The following ZNF540 variants were observed in gnomAD, a reference collection of about 807,000 sequenced individuals.
ZNF540 encodes the protein CTD-3064H18.6.
ZNF540 carries 3 observed loss-of-function variants against 11.8 expected under a neutral mutation model. That is an observed-to-expected ratio of 0.25 (90% confidence interval 0.12 to 0.65). ZNF540 has a LOEUF of 0.65. Among genes scored for constraint, ZNF540 ranks in the 30% least tolerant of loss-of-function variants. The probability of loss-of-function intolerance (pLI) is 0.83; values close to 1 mark genes in which losing one functional copy is unlikely to be tolerated. For missense variants in ZNF540, 709 were observed against 793.1 expected (o/e 0.89, Z 1.27); for synonymous variants, 247 against 259.0 (o/e 0.95, Z 0.45).
intron 1 of ZNF540, among the ~76,000 whole-genome samples, chr19:37,552,816 G>T (rs1210326471): frequency 3.9e-5 from 6 of 151,956 alleles, no homozygotes; most frequent in African/African-American, 7.2e-5. Context: ...GTGTGGTGGC[G>T]TGCGCCTGTA....
chr19:37,572,112 C>T (rs1025587900), intron 1 of ZNF540, among the ~76,000 whole-genome samples: 2 of 151,982 alleles, frequency 1.3e-5, no homozygotes, highest in Non-Finnish European at 2.9e-5. Flanking sequence ...TGAGAAAATA[C>T]TCTCATATTT....
chr19:37,565,670 C>G (rs764552585), intron 1 of ZNF540: 3 of 1,613,498 alleles, frequency 1.9e-6, no homozygotes, highest in Non-Finnish European at 2.5e-6. Context: ...ACATTTCTTA[C>G]ATTCATATGG....
upstream of ZNF540, chr19:37,594,705 A>C (rs1233681117): frequency 6.6e-6 from 1 of 152,312 alleles, no homozygotes; most frequent in Non-Finnish European, 1.5e-5. Flanking sequence ...GCAACCCAAA[A>C]GCTGCGAGCG....
upstream of ZNF540, among the ~76,000 whole-genome samples, chr19:37,592,909 G>A (rs1215732006): frequency 6.6e-6 from 1 of 152,156 alleles, no homozygotes; most frequent in African/African-American, 2.4e-5. Context: ...AAACACAGGA[G>A]GGAAACTATC....
intron 1 of ZNF540, chr19:37,585,308 T>C (rs1451066261): frequency 6.6e-6 from 1 of 152,254 alleles, no homozygotes; most frequent in African/African-American, 2.4e-5. Flanking sequence ...GCTTGCTTGC[T>C]TAAATATAAT....
chr19:37,559,370 C>T (rs1020262647), intron 1 of ZNF540, among the ~76,000 whole-genome samples: 5 of 152,100 alleles, frequency 3.3e-5, no homozygotes, highest in Non-Finnish European at 4.4e-5. Flanking sequence ...GTAATATATT[C>T]TATATAAATA....
chr19:37,587,513 C>T (rs1404651111), intron 1 of ZNF540, among the ~76,000 whole-genome samples: 1 of 152,234 alleles, frequency 6.6e-6, no homozygotes, highest in Non-Finnish European at 1.5e-5. Flanking sequence ...ACAGCACGCC[C>T]CCTCTTGCAA....
intron 1 of ZNF540, chr19:37,564,035 T>C (rs1219237685): frequency 6.6e-6 from 1 of 152,228 alleles, no homozygotes; most frequent in Non-Finnish European, 1.5e-5. Context: ...TTTGGAAGTT[T>C]CTTCCTGGTG....
chr19:37,577,513 C>T (rs2147181442), intron 1 of ZNF540, among the ~76,000 whole-genome samples: 1 of 151,946 alleles, frequency 6.6e-6, no homozygotes, highest in Middle Eastern at 3.4e-3. Context: ...ATATTAAGGA[C>T]AAAAAAAGCA....
chr19:37,612,888 G>T lies in ZNF540; in HGVS notation c.1608G>T (p.Gly536=). ...GTGGAAAGGCCTTTATTCGTAGAGGGAATCTTAAAGAACATCTGAAAATTC... is the reference window on the plus strand; with the variant it reads ...GTGGAAAGGCCTTTATTCGTAGAGGTAATCTTAAAGAACATCTGAAAATTC... The part of the protein sequence containing the change: ...KECGKAFIRR[G]NLKEHLKIHS... The change falls in exon 5 of 5, where the codon GGG becomes GGT. Residue 536 remains glycine, a synonymous_variant. Coordinates refer to ENST00000316433, the MANE Select transcript of ZNF540 (RefSeq NM_001172225.3). The T allele has an allele frequency of 6.2e-7, 1 of 1,613,754 alleles. No individual in the cohort carries two copies. The highest frequency in any genetic ancestry group is 2.2e-5 in the East Asian group (1 of 44,832).
intron 1 of ZNF540, among the ~76,000 whole-genome samples, chr19:37,578,883 G>A (rs2043343497): frequency 6.6e-6 from 1 of 152,236 alleles, no homozygotes. Context: ...ACTCCCAGAG[G>A]TAACAGATAA....
intron 1 of ZNF540, chr19:37,563,938 C>A (rs1040911686): frequency 3.3e-5 from 5 of 152,076 alleles, no homozygotes; most frequent in Non-Finnish European, 7.4e-5. Context: ...GGGCCAAAAA[C>A]TTTTGCTTTT....
chr19:37,577,820 A>ACAAAGTC (rs2043295720), intron 1 of ZNF540, among the ~76,000 whole-genome samples: 3 of 152,210 alleles, frequency 2.0e-5, no homozygotes, highest in Non-Finnish European at 4.4e-5. Flanking sequence ...TCTCAGGGAG[A>ACAAAGTC]GGAAACAAAG....
chr19:37,578,625 G>T (rs1052470786), intron 1 of ZNF540, among the ~76,000 whole-genome samples: 1 of 152,172 alleles, frequency 6.6e-6, no homozygotes, highest in African/African-American at 2.4e-5. Flanking sequence ...TCCTCGCCAG[G>T]AAAGGCTCGG....
chr19:37,610,680 A>G (rs2044121358), intron 4 of ZNF540, among the ~76,000 whole-genome samples: 1 of 152,344 alleles, frequency 6.6e-6, no homozygotes, highest in Middle Eastern at 3.4e-3. Flanking sequence ...AAGTCATAAT[A>G]AGAGGGAGTA....
chr19:37,558,315 C>T (rs2042682584), intron 1 of ZNF540, among the ~76,000 whole-genome samples: 2 of 152,128 alleles, frequency 1.3e-5, no homozygotes, highest in South Asian at 4.1e-4. Context: ...TCCAGCAAAT[C>T]CCTCCAGTTT....
chr19:37,577,022 A>C (rs1052800782), intron 1 of ZNF540, among the ~76,000 whole-genome samples: 1 of 152,194 alleles, frequency 6.6e-6, no homozygotes, highest in Non-Finnish European at 1.5e-5. Flanking sequence ...AAGTATTTAC[A>C]TAAAACGTTA....
At chr19:37,565,589 T>G (rs556473055) in intron 1 of ZNF540, 1 of 1,613,588 alleles carries the variant, frequency 6.2e-7, no homozygotes, top group East Asian at 2.2e-5. Context: ...ATCCTTACAT[T>G]CATAGGGTTT....
intron 4 of ZNF540, among the ~76,000 whole-genome samples, chr19:37,602,774 G>A (rs576144564): frequency 6.6e-6 from 1 of 152,262 alleles, no homozygotes; most frequent in South Asian, 2.1e-4. Flanking sequence ...CAACTGAACT[G>A]TAAACTGCCT....
Sources: gnomAD v4.1 joint callset for allele counts (sites outside exome capture counted in the v4.1 genomes callset) on GRCh38, gnomAD v4.1.1 for gene constraint, MANE v1.5 for transcripts, NCBI Gene and HGNC (gene_info 2026-07-23, HGNC 2026-07-21) for gene names.